ANKS1B: variants seen among roughly 807,000 people sequenced by gnomAD.
ANKS1B encodes ankyrin repeat and sterile alpha motif domain-containing protein 1B.
ANKS1B carries 36 observed loss-of-function variants against 148.3 expected under a neutral mutation model. That is an observed-to-expected ratio of 0.24 (90% confidence interval 0.19 to 0.32). The LOEUF (loss-of-function observed/expected upper bound fraction) is 0.32, where lower values mean the gene tolerates loss of function less well. Ranked by LOEUF, ANKS1B falls within the 10% of genes least tolerant of loss-of-function variation. The pLI is 1.00. For synonymous variants in ANKS1B, 542 were observed against 560.8 expected (o/e 0.97, Z 0.47); for missense variants, 1,157 against 1,542.6 (o/e 0.75, Z 4.19).
At chr12:99,335,553 A>C (rs539289025) in intron 12 of ANKS1B, among the ~76,000 whole-genome samples, 27 of 152,084 alleles carry the variant, frequency 1.8e-4, no homozygotes, top group Admixed American at 1.4e-3. Context: ...CCATGAGTTC[A>C]ATTGTTTTAA....
chr12:99,018,111 G>A (rs984435230), intron 17 of ANKS1B, among the ~76,000 whole-genome samples: 3 of 152,082 alleles, frequency 2.0e-5, no homozygotes, highest in African/African-American at 4.8e-5. Context: ...CAGTATAAAG[G>A]GCCTGCTATG....
At chr12:99,595,379 A>G (rs1306414367) in intron 9 of ANKS1B, among the ~76,000 whole-genome samples, 3 of 151,902 alleles carry the variant, frequency 2.0e-5, no homozygotes, top group Non-Finnish European at 4.4e-5. Context: ...GTGTTATTAG[A>G]AAATTGTGTG....
chr12:98,777,400 A>G (rs979549101), intron 24 of ANKS1B, among the ~76,000 whole-genome samples: 7 of 152,220 alleles, frequency 4.6e-5, no homozygotes, highest in African/African-American at 1.4e-4. Context: ...CCAGATGGGA[A>G]GGCTGAGGAG....
At chr12:99,805,484 T>C (rs7135652) in intron 4 of ANKS1B, among the ~76,000 whole-genome samples, 99,521 of 151,136 alleles carry the variant, frequency 0.66, 33,025 homozygotes, top group African/African-American at 0.73. Flanking sequence ...CTTAGCTGGG[T>C]ATGGTGGTGT....
intron 10 of ANKS1B, among the ~76,000 whole-genome samples, chr12:99,446,222 A>G (rs114101160): frequency 1.4e-3 from 214 of 152,106 alleles, no homozygotes; most frequent in African/African-American, 4.7e-3. Flanking sequence ...AAAACATTAG[A>G]TATTAGGGCA....
chr12:98,843,392 C>T (rs1489815605), intron 17 of ANKS1B, among the ~76,000 whole-genome samples: 1 of 152,230 alleles, frequency 6.6e-6, no homozygotes, highest in Non-Finnish European at 1.5e-5. Flanking sequence ...CACACGTCAG[C>T]TTCCCCTTTA....
At chr12:99,550,380 C>T (rs1388459912) in intron 9 of ANKS1B, among the ~76,000 whole-genome samples, 1 of 152,114 alleles carries the variant, frequency 6.6e-6, no homozygotes, top group African/African-American at 2.4e-5. Flanking sequence ...TCCCAACACT[C>T]TGGGAGGCTG....
intron 12 of ANKS1B, among the ~76,000 whole-genome samples, chr12:99,325,235 A>C (rs2086082559): frequency 6.6e-6 from 1 of 152,182 alleles, no homozygotes; most frequent in East Asian, 1.9e-4. Flanking sequence ...GAAAGATGAG[A>C]CATCAGTTTG....
At chr12:99,022,236 C>A (rs1427621578) in intron 17 of ANKS1B, among the ~76,000 whole-genome samples, 5 of 152,100 alleles carry the variant, frequency 3.3e-5, no homozygotes, top group African/African-American at 1.2e-4. Context: ...AAACTTCCCA[C>A]AACTGAACCT....
chr12:99,013,235 A>T (rs1428451424), intron 17 of ANKS1B, among the ~76,000 whole-genome samples: 1 of 152,230 alleles, frequency 6.6e-6, no homozygotes, highest in Non-Finnish European at 1.5e-5. Context: ...TCTAATTCTG[A>T]GTAGATATAA....
intron 8 of ANKS1B, among the ~76,000 whole-genome samples, chr12:99,682,423 C>T (rs1237616567): frequency 1.3e-5 from 2 of 152,040 alleles, no homozygotes; most frequent in East Asian, 3.8e-4. Context: ...CTCTCTCATA[C>T]CACAGTGCAA....
chr12:99,226,885 T>C (rs972321587), intron 14 of ANKS1B, among the ~76,000 whole-genome samples: 1 of 152,228 alleles, frequency 6.6e-6, no homozygotes, highest in African/African-American at 2.4e-5. Flanking sequence ...AAAAAGGTTT[T>C]TCTTTTATAG....
chr12:99,635,479 C>G (rs187446785), intron 9 of ANKS1B, among the ~76,000 whole-genome samples: 53 of 152,142 alleles, frequency 3.5e-4, no homozygotes, highest in Admixed American at 1.0e-3. Flanking sequence ...GAACATTATG[C>G]TAAGTGAAAT....
intron 4 of ANKS1B, among the ~76,000 whole-genome samples, chr12:99,804,959 T>A (rs1602512437): frequency 6.6e-6 from 1 of 152,024 alleles, no homozygotes; most frequent in South Asian, 2.1e-4. Flanking sequence ...CTAGACAACA[T>A]CCAGCCAGCC....
At chr12:99,190,891 A>G (rs2080578103) in intron 14 of ANKS1B, among the ~76,000 whole-genome samples, 1 of 152,178 alleles carries the variant, frequency 6.6e-6, no homozygotes. Flanking sequence ...ATAAACTATC[A>G]TGAGAGTGAA....
chr12:99,029,250 G>T (rs1289180035), intron 17 of ANKS1B, among the ~76,000 whole-genome samples: 1 of 152,094 alleles, frequency 6.6e-6, no homozygotes, highest in Non-Finnish European at 1.5e-5. Flanking sequence ...TATCTGAATT[G>T]GAAAAGAAAA....
At chr12:98,969,425 T>G (rs906169132) in intron 17 of ANKS1B, among the ~76,000 whole-genome samples, 4 of 152,168 alleles carry the variant, frequency 2.6e-5, no homozygotes, top group African/African-American at 9.6e-5. Context: ...GGGCCAAACA[T>G]TCTATGGGCA....
chr12:98,982,040 T>C (rs2099911692), intron 17 of ANKS1B, among the ~76,000 whole-genome samples: 1 of 152,236 alleles, frequency 6.6e-6, no homozygotes, highest in Admixed American at 6.5e-5. Context: ...TAGAAAAGTC[T>C]ACAGGGGTAA....
intron 14 of ANKS1B, among the ~76,000 whole-genome samples, chr12:99,187,953 A>C (rs1355655424): frequency 6.6e-6 from 1 of 152,170 alleles, no homozygotes; most frequent in African/African-American, 2.4e-5. Flanking sequence ...GACCCATCTC[A>C]TGTGCAAAGA....
Sources: allele counts gnomAD v4.1 joint callset (sites outside exome capture counted in the v4.1 genomes callset), GRCh38; gene constraint gnomAD v4.1.1; transcripts MANE v1.5; gene names NCBI Gene and HGNC (gene_info 2026-07-23, HGNC 2026-07-21).